Variants in SNX29 observed in about 807,000 individuals in gnomAD.
SNX29 encodes sorting nexin 29.
A neutral mutation model predicts 102.1 loss-of-function variants in SNX29; 78 were observed. The observed-to-expected ratio is 0.76, with a 90% CI of 0.64 to 0.92. The LOEUF is 0.92. Among genes scored for constraint, SNX29 ranks in the 40% least tolerant of loss-of-function variants. The pLI, the probability that SNX29 is intolerant of heterozygous loss-of-function variation, is 0.00. For missense variants in SNX29, 1,280 were observed against 1,061.7 expected, an observed-to-expected ratio of 1.21 and a Z score of -2.86; for synonymous variants, 580 against 414.5, an observed-to-expected ratio of 1.40 and a Z score of -4.85.
chr16:12,542,661 G>T (rs1368606380), intron 20 of SNX29, among the ~76,000 whole-genome samples: 1 of 152,186 alleles, frequency 6.6e-6, no homozygotes, highest in Non-Finnish European at 1.5e-5. Context: ...TGTGTTTGAA[G>T]GCAGCGTGTT....
chr16:12,098,821 GA>G lies in SNX29; in HGVS notation c.1402+19907del, dbSNP rs1472440940. Among the ~76,000 whole-genome samples, 1 of 152,210 alleles carries G rather than the reference GA, an allele frequency of 6.6e-6. No individual in the cohort carries two copies. Among genetic ancestry groups the G allele is most frequent in the Non-Finnish European group, 1.5e-5 (1 of 68,036 alleles). ...CCTGAGTCTAACAGTCAGAGGTAGA[GA>G]CCCCCCTCAGGGCAGTTCCTGAGCA... is the stretch of plus-strand genomic sequence containing the variant. On this transcript the variant is annotated intron_variant, in intron 11 of 20. Coordinates refer to ENST00000566228, the MANE Select transcript of SNX29 (RefSeq NM_032167.5). The surrounding 1 kb of genome is among the most constrained non-coding windows in gnomAD (Gnocchi z 6.0).
At chr16:12,159,528 A>G (rs1248813972) in intron 13 of SNX29, among the ~76,000 whole-genome samples, 1 of 152,204 alleles carries the variant, frequency 6.6e-6, no homozygotes, top group Non-Finnish European at 1.5e-5. Flanking sequence ...ACATCTGCAT[A>G]GAGACATGGC....
At chr16:12,498,908 A>G (rs1034701073) in intron 19 of SNX29, among the ~76,000 whole-genome samples, 9 of 152,202 alleles carry the variant, frequency 5.9e-5, no homozygotes, top group African/African-American at 1.4e-4. Context: ...GCAGTGAACT[A>G]TCATCTAGGA....
rs536317436 is a variant in SNX29 at position 12,329,769 on chromosome 16, G to A, written c.1783-26394G>A. 2.6e-5 allele frequency among the ~76,000 whole-genome samples: 4 copies of A among 152,330 alleles called. No homozygotes were observed. In the East Asian group the frequency reaches 5.8e-4, roughly 22 times the overall value. ...TGAGGTGTTGGCACACATGCCAAGT[G>A]GCCCTTCTCTTTTCAGCTTCTGTTG... is the stretch of plus-strand genomic sequence containing the variant. On this transcript the variant is annotated intron_variant, in intron 15 of 20. Coordinates refer to ENST00000566228, the MANE Select transcript of SNX29 (RefSeq NM_032167.5).
chr16:12,522,095 T>TCTCCCAC (rs1272627175), intron 19 of SNX29, among the ~76,000 whole-genome samples: 3 of 152,146 alleles, frequency 2.0e-5, no homozygotes, highest in Non-Finnish European at 4.4e-5. Flanking sequence ...CACGCTTCCA[T>TCTCCCAC]CTCCCACCTG....
At chr16:12,306,306 C>CT (rs1487620562) in intron 15 of SNX29, among the ~76,000 whole-genome samples, 1 of 151,834 alleles carries the variant, frequency 6.6e-6, no homozygotes, top group African/African-American at 2.4e-5. Context: ...GTGATGCCAA[C>CT]TGCATATGGT....
chr16:12,509,240 G>C (rs1257487734), intron 19 of SNX29, among the ~76,000 whole-genome samples: 2 of 152,176 alleles, frequency 1.3e-5, no homozygotes, highest in African/African-American at 4.8e-5. Flanking sequence ...AGTGTGAAGG[G>C]ATTCAGGGCA....
intron 14 of SNX29, among the ~76,000 whole-genome samples, chr16:12,277,090 A>G (rs2079275258): frequency 6.6e-6 from 1 of 152,206 alleles, no homozygotes; most frequent in Non-Finnish European, 1.5e-5. Flanking sequence ...CTTGGCAAAT[A>G]TAAAAGATGT....
chr16:12,569,040 C>T lies in SNX29; in HGVS notation c.*411C>T, dbSNP rs890896. Reference sequence around the variant, plus strand: ...GAGCCAGCCTCTCCACTCTTTCCCACGTGGGGACTAGAATGACTATTAGCC... The same window carrying T: ...GAGCCAGCCTCTCCACTCTTTCCCATGTGGGGACTAGAATGACTATTAGCC... On this transcript the variant is annotated 3_prime_UTR_variant, in exon 21 of 21. Transcript: ENST00000566228. The T allele has an allele frequency of 0.27, 62,386 of 230,424 alleles. 8,997 individuals carry two copies. The highest frequency in any genetic ancestry group is 0.44 in the East Asian group (6,850 of 15,728). 14.3% of individuals were successfully genotyped at this position (230,424 alleles called of 1,614,324 possible).
chr16:12,453,881 A>C (rs2086415594), intron 18 of SNX29, among the ~76,000 whole-genome samples: 1 of 152,176 alleles, frequency 6.6e-6, no homozygotes, highest in African/African-American at 2.4e-5. Context: ...GCCTTCCATC[A>C]AGATGTGGTA....
intron 19 of SNX29, among the ~76,000 whole-genome samples, chr16:12,487,046 T>G (rs2088279121): frequency 6.6e-6 from 1 of 152,236 alleles, no homozygotes; most frequent in Admixed American, 6.5e-5. Context: ...GCACGTTATT[T>G]GACCTCTCTG....
At chr16:12,345,588 A>G (rs2081772358) in intron 15 of SNX29, among the ~76,000 whole-genome samples, 1 of 152,340 alleles carries the variant, frequency 6.6e-6, no homozygotes, top group Admixed American at 6.5e-5. Context: ...AAGTGCTCAG[A>G]AAACAGTAAC....
At chr16:12,091,760 G>C (rs1001767627) in intron 11 of SNX29, among the ~76,000 whole-genome samples, 4 of 117,262 alleles carry the variant, frequency 3.4e-5, no homozygotes, top group African/African-American at 6.8e-5. Context: ...CTGGGCAACA[G>C]AGCAAGATCC....
At chr16:12,244,313 G>C (rs1000744261) in intron 14 of SNX29, among the ~76,000 whole-genome samples, 5 of 152,010 alleles carry the variant, frequency 3.3e-5, no homozygotes, top group Non-Finnish European at 5.9e-5. Flanking sequence ...TTTTTTCCTT[G>C]ATAAAATCAT....
At chr16:12,553,381 A>G (rs1376352756) in intron 20 of SNX29, among the ~76,000 whole-genome samples, 1 of 152,196 alleles carries the variant, frequency 6.6e-6, no homozygotes, top group Non-Finnish European at 1.5e-5. Context: ...CATGCTCTCA[A>G]GTTGAACATA....
chr16:12,416,230 G>A (rs2084630485), intron 18 of SNX29, among the ~76,000 whole-genome samples: 1 of 151,986 alleles, frequency 6.6e-6, no homozygotes, highest in African/African-American at 2.4e-5. Context: ...TTCTTAAACT[G>A]CCCCTCAAAT....
intron 19 of SNX29, among the ~76,000 whole-genome samples, chr16:12,491,141 A>G (rs909773668): frequency 1.3e-5 from 2 of 152,206 alleles, no homozygotes; most frequent in Admixed American, 6.5e-5. Context: ...TGGTGTGACT[A>G]CTCAGTGTTG....
chr16:12,526,639 CGGGGGAA>C lies in SNX29; in HGVS notation c.2318+1799_2318+1805del, dbSNP rs1567656027. On this transcript the variant is annotated intron_variant, in intron 20 of 20. Transcript: ENST00000566228. ...CGGCATCCCCATGGCCCAGGGTGCACGGGGGAATTAGCCTCTCGCGGAGTCATCACGC... is the reference window on the plus strand; with the variant it reads ...CGGCATCCCCATGGCCCAGGGTGCACTTAGCCTCTCGCGGAGTCATCACGC... The C allele has an allele frequency of 2.5e-5, 13 of 528,832 alleles. No individual in the cohort carries two copies. In the East Asian group the frequency reaches 4.7e-4, roughly 19 times the overall value. 32.8% of individuals were successfully genotyped at this position (528,832 alleles called of 1,614,324 possible). A position where few individuals can be genotyped will look rare whatever the true frequency, so the allele number is the denominator to read the frequency against.
intron 9 of SNX29, among the ~76,000 whole-genome samples, chr16:12,066,980 AAAATAAATAAATAAATAAATAAATAAAT>A (rs34221283): frequency 7.5e-6 from 1 of 133,674 alleles, no homozygotes; most frequent in African/African-American, 2.8e-5. Flanking sequence ...CCGTGTCTCT[AAAATAAATAAATAAATAAATAAATAAAT>A]AAATAAATAA....
Sources: gnomAD v4.1 joint callset for allele counts (sites outside exome capture counted in the v4.1 genomes callset) on GRCh38, gnomAD v4.1.1 for gene constraint, Gnocchi (gnomAD v3.1) non-coding constraint, MANE v1.5 for transcripts, NCBI Gene and HGNC (gene_info 2026-07-23, HGNC 2026-07-21) for gene names.